The following SMYD3 variants were observed in gnomAD, a reference collection of about 807,000 sequenced individuals.
The protein encoded by SMYD3 is SET and MYND domain containing 3.
SMYD3 carries 36 observed loss-of-function variants against 57.7 expected under a neutral mutation model. That is an observed-to-expected ratio of 0.62 (90% confidence interval 0.48 to 0.82). SMYD3 has a LOEUF of 0.82. SMYD3 is among the 40% of genes least tolerant of loss of function. The pLI, the probability that SMYD3 is intolerant of heterozygous loss-of-function variation, is 0.00. For missense variants in SMYD3, 515 were observed against 538.8 expected (o/e 0.96, Z 0.44); for synonymous variants, 211 against 195.0 (o/e 1.08, Z -0.68).
intron 5 of SMYD3, among the ~76,000 whole-genome samples, chr1:246,036,892 G>A (rs2059785854): frequency 6.6e-6 from 1 of 151,946 alleles, no homozygotes; most frequent in Admixed American, 6.5e-5. Context: ...ATTTAGTTAT[G>A]AAAGCCAAAG....
chr1:246,123,460 G>A (rs546119152), intron 5 of SMYD3, among the ~76,000 whole-genome samples: 8 of 151,956 alleles, frequency 5.3e-5, no homozygotes, highest in East Asian at 1.9e-4. Context: ...CCAGCTACTC[G>A]GGCAGCTGAG....
rs1013742820 is a variant in SMYD3 at position 246,095,832 on chromosome 1, T to C, written c.532-165895A>G. ...TTGAGGCTGCAGGGATCCGTGATTA[T>C]GTCATTACACCCCAGCCTAAGCAAC... is the stretch of plus-strand genomic sequence containing the variant. On this transcript the variant is annotated intron_variant, in intron 5 of 11. Transcript: ENST00000490107. 2.0e-5 allele frequency among the ~76,000 whole-genome samples: 3 copies of C among 152,152 alleles called. 1 individual carries two copies. Among genetic ancestry groups the C allele is most frequent in the Non-Finnish European group, 4.4e-5 (3 of 68,038 alleles).
At chr1:246,352,526 T>G (rs1444908155) in intron 2 of SMYD3, among the ~76,000 whole-genome samples, 1 of 152,232 alleles carries the variant, frequency 6.6e-6, no homozygotes, top group African/African-American at 2.4e-5. Flanking sequence ...TAAACGCATA[T>G]GTTCTGGCCA....
chr1:245,805,572 TG>T (rs1553327752), intron 10 of SMYD3, among the ~76,000 whole-genome samples: 2 of 152,356 alleles, frequency 1.3e-5, no homozygotes, highest in East Asian at 3.9e-4. Context: ...TTACCTGTTT[TG>T]GGGAAATAAA....
At chr1:246,070,379 T>C (rs1423960720) in intron 5 of SMYD3, among the ~76,000 whole-genome samples, 1 of 152,216 alleles carries the variant, frequency 6.6e-6, no homozygotes, top group African/African-American at 2.4e-5. Context: ...CAGAAATACA[T>C]CTGGGCATTT....
chr1:246,174,633 G>C lies in SMYD3; in HGVS notation c.531+152568C>G, dbSNP rs557289980. ...GACTAATTTTTGTATTTTTAGTAGA[G>C]ATGGGGTTTCACTATGTTGGCCAGG... On this transcript the variant is annotated intron_variant, in intron 5 of 11. Transcript: ENST00000490107. Among the ~76,000 whole-genome samples the C allele has an allele frequency of 2.5e-4, 38 of 152,280 alleles. No homozygotes were observed. The South Asian group carries it at 7.5e-3, about 30-fold the overall frequency.
At chr1:246,362,706 G>A (rs1027354585) in intron 1 of SMYD3, among the ~76,000 whole-genome samples, 1 of 152,262 alleles carries the variant, frequency 6.6e-6, no homozygotes, top group Non-Finnish European at 1.5e-5. Flanking sequence ...CGAGTGATCC[G>A]CCAGCCTCGG....
chr1:246,431,727 A>C (rs1021399731), intron 1 of SMYD3, among the ~76,000 whole-genome samples: 1 of 152,194 alleles, frequency 6.6e-6, no homozygotes, highest in Non-Finnish European at 1.5e-5. Context: ...GTGAGATCCC[A>C]TCTCAAAAAA....
In SMYD3 at chr1:245,839,405, G is replaced by T. The variant is rs1015899499; in HGVS notation, c.1076+19091C>A. ...AGGATGGTCTCGATCTCCTGACCTC[G>T]TGATCCGCCCACCTCGGCCTCCCAA... On this transcript the variant is annotated intron_variant, in intron 10 of 11. Transcript: ENST00000490107. 6.6e-5 allele frequency among the ~76,000 whole-genome samples: 10 copies of T among 151,852 alleles called. No individual in the cohort carries two copies. The South Asian group carries it at 8.3e-4, about 13-fold the overall frequency.
chr1:246,351,660 T>C (rs976192602), intron 2 of SMYD3, among the ~76,000 whole-genome samples: 7 of 152,204 alleles, frequency 4.6e-5, no homozygotes, highest in African/African-American at 1.7e-4. Context: ...CTATATATGA[T>C]GCATAAACCA....
chr1:246,128,019 G>A (rs896171346), intron 5 of SMYD3, among the ~76,000 whole-genome samples: 1 of 152,144 alleles, frequency 6.6e-6, no homozygotes, highest in Non-Finnish European at 1.5e-5. Flanking sequence ...TATTAAGTAT[G>A]CATTTATTAT....
intron 5 of SMYD3, among the ~76,000 whole-genome samples, chr1:246,022,180 A>G (rs1244974541): frequency 3.9e-5 from 6 of 152,244 alleles, no homozygotes; most frequent in Non-Finnish European, 8.8e-5. Flanking sequence ...CCCTCTACAG[A>G]GAGGCCATCA....
At chr1:246,135,432 C>G (rs1313065514) in intron 5 of SMYD3, among the ~76,000 whole-genome samples, 2 of 152,082 alleles carry the variant, frequency 1.3e-5, no homozygotes, top group Non-Finnish European at 2.9e-5. Context: ...CAAAAGTAAG[C>G]CATCTTAGGG....
chr1:245,839,378 C>A (rs567053880), intron 10 of SMYD3, among the ~76,000 whole-genome samples: 149 of 151,992 alleles, frequency 9.8e-4, no homozygotes, highest in African/African-American at 3.5e-3. Context: ...ACCGTGTTAG[C>A]CAGGATGGTC....
chr1:246,290,639 A>G (rs1434108963), intron 5 of SMYD3, among the ~76,000 whole-genome samples: 1 of 152,156 alleles, frequency 6.6e-6, no homozygotes, highest in Non-Finnish European at 1.5e-5. Context: ...TAATATCAAT[A>G]AGCAATATCA....
chr1:245,915,678 G>C (rs1202644947), intron 7 of SMYD3, 38 bp from the exon 8 acceptor site: 1 of 1,301,852 alleles, frequency 7.7e-7, no homozygotes, highest in Non-Finnish European at 1.1e-6. Context: ...TGAAACATCT[G>C]CTGTGCTCAT....
intron 5 of SMYD3, among the ~76,000 whole-genome samples, chr1:246,127,347 T>G (rs1200240648): frequency 6.6e-6 from 1 of 152,102 alleles, no homozygotes; most frequent in Non-Finnish European, 1.5e-5. Context: ...TGTCAATAAC[T>G]TCAACAAAGA....
At chr1:245,800,309 G>A (rs970112847) in intron 10 of SMYD3, among the ~76,000 whole-genome samples, 1 of 152,026 alleles carries the variant, frequency 6.6e-6, no homozygotes, top group Non-Finnish European at 1.5e-5. Flanking sequence ...TTCTAACAGT[G>A]TATCTTTCCT....
chr1:245,992,260 C>T (rs71533451), intron 5 of SMYD3, among the ~76,000 whole-genome samples: 1 of 139,350 alleles, frequency 7.2e-6, no homozygotes, highest in Non-Finnish European at 1.6e-5. Flanking sequence ...ATTCTATTGG[C>T]CACACACACC....
Sources: gnomAD v4.1 joint callset for allele counts (sites outside exome capture counted in the v4.1 genomes callset) on GRCh38, gnomAD v4.1.1 for gene constraint, MANE v1.5 for transcripts, NCBI Gene and HGNC (gene_info 2026-07-23, HGNC 2026-07-21) for gene names.